The following PRKD1 variants were observed in gnomAD, a reference collection of about 807,000 sequenced individuals.
PRKD1 encodes the protein serine/threonine-protein kinase D1.
Under a neutral mutation model 95.9 loss-of-function variants are expected in PRKD1, and 63 were observed. The ratio of observed to expected loss-of-function variants is 0.66; its 90% CI spans 0.54 to 0.81. The LOEUF is 0.81. PRKD1 is among the 30% of genes least tolerant of loss of function. PRKD1 has a pLI of 0.00. For synonymous variants in PRKD1, 425 were observed against 423.1 expected (o/e 1.00, Z -0.05); for missense variants, 1,048 against 1,165.3 (o/e 0.90, Z 1.47).
At chr14:29,662,272 G>A (rs1882229546) in intron 4 of PRKD1, among the ~76,000 whole-genome samples, 2 of 152,122 alleles carry the variant, frequency 1.3e-5, no homozygotes, top group Admixed American at 1.3e-4. Flanking sequence ...AAAAGCAAGA[G>A]TAATTGCTGT....
chr14:29,655,311 T>C (rs1362946520), intron 4 of PRKD1, among the ~76,000 whole-genome samples: 2 of 152,190 alleles, frequency 1.3e-5, no homozygotes, highest in Non-Finnish European at 2.9e-5. Flanking sequence ...TTTTCAAAAA[T>C]AGGAATTTAC....
At chr14:29,712,734 G>A (rs1309871764) in intron 2 of PRKD1, among the ~76,000 whole-genome samples, 1 of 152,124 alleles carries the variant, frequency 6.6e-6, no homozygotes, top group Non-Finnish European at 1.5e-5. Context: ...ACTTAAAACA[G>A]CTGCATTTCT....
intron 1 of PRKD1, among the ~76,000 whole-genome samples, chr14:29,783,389 G>A (rs1019763939): frequency 4.6e-5 from 7 of 151,862 alleles, no homozygotes; most frequent in African/African-American, 1.5e-4. Flanking sequence ...TTCTTTATCC[G>A]TTCATCCGTT....
At chr14:29,789,758 C>T (rs780772753) in intron 1 of PRKD1, among the ~76,000 whole-genome samples, 7 of 152,002 alleles carry the variant, frequency 4.6e-5, no homozygotes, top group Non-Finnish European at 8.8e-5. Flanking sequence ...TATTGTCAGG[C>T]CCCCGGACAG....
chr14:29,626,341 TA>T (rs1399849666), intron 12 of PRKD1, 142 bp downstream of exon 12: 1 of 681,950 alleles, frequency 1.5e-6, no homozygotes, highest in Non-Finnish European at 2.4e-6. Flanking sequence ...AAAAATTTTT[TA>T]AACGCAGAAC....
At chr14:29,862,338 A>G (rs1262372734) in intron 1 of PRKD1, among the ~76,000 whole-genome samples, 2 of 152,174 alleles carry the variant, frequency 1.3e-5, no homozygotes, top group Non-Finnish European at 2.9e-5. Flanking sequence ...GGGAGAACAG[A>G]TATCTCTTCA....
chr14:29,739,115 C>G (rs1303201720), intron 1 of PRKD1, among the ~76,000 whole-genome samples: 1 of 152,158 alleles, frequency 6.6e-6, no homozygotes, highest in Non-Finnish European at 1.5e-5. Context: ...GGAGTACAGG[C>G]ATGAGCCACT....
chr14:29,639,619 C>CA (rs970345161), intron 4 of PRKD1, among the ~76,000 whole-genome samples: 15 of 139,794 alleles, frequency 1.1e-4, no homozygotes, highest in African/African-American at 2.4e-4. Context: ...AACTCCATCT[C>CA]AAAAAAAATA....
intron 16 of PRKD1, among the ~76,000 whole-genome samples, chr14:29,584,173 T>C (rs1892839066): frequency 6.6e-6 from 1 of 152,184 alleles, no homozygotes; most frequent in Non-Finnish European, 1.5e-5. Context: ...ATAGATTCCA[T>C]TTTTTCTAAC....
chr14:29,701,207 C>T (rs1267598877), intron 2 of PRKD1, among the ~76,000 whole-genome samples: 1 of 152,142 alleles, frequency 6.6e-6, no homozygotes, highest in Non-Finnish European at 1.5e-5. Context: ...AAGTATGATT[C>T]TCAGACTAGC....
intron 1 of PRKD1, among the ~76,000 whole-genome samples, chr14:29,881,151 A>C (rs1312479517): frequency 6.6e-6 from 1 of 152,174 alleles, no homozygotes; most frequent in East Asian, 1.9e-4. Flanking sequence ...TTCCCCACCA[A>C]AATCTCAACT....
chr14:29,709,398 G>C (rs976284100), intron 2 of PRKD1, among the ~76,000 whole-genome samples: 3 of 152,030 alleles, frequency 2.0e-5, no homozygotes, highest in African/African-American at 4.8e-5. Flanking sequence ...CAAATTTCAA[G>C]ACAGCGAGAA....
At chr14:29,923,784 C>T (rs907724743) in intron 1 of PRKD1, among the ~76,000 whole-genome samples, 1 of 145,780 alleles carries the variant, frequency 6.9e-6, no homozygotes, top group African/African-American at 2.6e-5. Context: ...TCAAGCATCC[C>T]TAAAGAGTAA....
intron 1 of PRKD1, among the ~76,000 whole-genome samples, chr14:29,740,510 A>G (rs1594474891): frequency 6.6e-6 from 1 of 152,326 alleles, no homozygotes; most frequent in East Asian, 1.9e-4. Flanking sequence ...CTTGAATTTT[A>G]CTGCTTGATC....
At chr14:29,736,663 A>T (rs780737010) in intron 1 of PRKD1, among the ~76,000 whole-genome samples, 8 of 152,224 alleles carry the variant, frequency 5.3e-5, no homozygotes, top group Non-Finnish European at 1.0e-4. Context: ...TGAATCTAAC[A>T]AAACTGGCCA....
intron 1 of PRKD1, among the ~76,000 whole-genome samples, chr14:29,796,904 G>A (rs1487700252): frequency 6.6e-6 from 1 of 152,164 alleles, no homozygotes; most frequent in Non-Finnish European, 1.5e-5. Context: ...GGGCAAGGGA[G>A]GTTAACAGGT....
chr14:29,577,827 C>T (rs1254559438), intron 17 of PRKD1, among the ~76,000 whole-genome samples: 1 of 152,036 alleles, frequency 6.6e-6, no homozygotes, highest in African/African-American at 2.4e-5. Context: ...CATCCATATA[C>T]TTTGTATTTG....
intron 10 of PRKD1, 132 bp from the exon 11 acceptor site, chr14:29,629,225 A>G: frequency 1.6e-6 from 1 of 634,924 alleles, no homozygotes; most frequent in Non-Finnish European, 2.7e-6. Context: ...AGGTTTTTCT[A>G]AGAAAATGTC....
At chr14:29,748,555 G>T (rs1032595893) in intron 1 of PRKD1, among the ~76,000 whole-genome samples, 9 of 152,170 alleles carry the variant, frequency 5.9e-5, no homozygotes, top group Non-Finnish European at 1.0e-4. Flanking sequence ...AAATCTGATG[G>T]AATAAGATCT....
Sources: allele counts gnomAD v4.1 joint callset (sites outside exome capture counted in the v4.1 genomes callset), GRCh38; gene constraint gnomAD v4.1.1; transcripts MANE v1.5; gene names NCBI Gene and HGNC (gene_info 2026-07-23, HGNC 2026-07-21).